KCNB2: variants seen among roughly 807,000 people sequenced by gnomAD.
KCNB2 encodes potassium voltage-gated channel subfamily B member 2.
A neutral mutation model predicts 61.5 loss-of-function variants in KCNB2; 15 were observed. The ratio of observed to expected loss-of-function variants is 0.24; its 90% CI spans 0.16 to 0.38. The LOEUF is 0.38. Among genes scored for constraint, KCNB2 ranks in the 10% least tolerant of loss-of-function variants. The pLI is 1.00. For missense variants in KCNB2, 828 were observed against 1,125.2 expected, an observed-to-expected ratio of 0.74 and a Z score of 3.78; for synonymous variants, 457 against 446.0, an observed-to-expected ratio of 1.02 and a Z score of -0.31.
At chr8:72,733,630 C>T (rs185489706) in intron 2 of KCNB2, among the ~76,000 whole-genome samples, 1 of 152,226 alleles carries the variant, frequency 6.6e-6, no homozygotes, top group East Asian at 1.9e-4. Context: ...CAGAATGGTA[C>T]CCGGCACCCT....
At chr8:72,646,025 A>G (rs1806124200) in intron 2 of KCNB2, among the ~76,000 whole-genome samples, 3 of 151,976 alleles carry the variant, frequency 2.0e-5, no homozygotes, top group African/African-American at 7.2e-5. Flanking sequence ...TTTCACCTTC[A>G]TTTTAAAACA....
At chr8:72,899,605 C>A (rs1232024247) in intron 2 of KCNB2, among the ~76,000 whole-genome samples, 1 of 152,080 alleles carries the variant, frequency 6.6e-6, no homozygotes, top group Non-Finnish European at 1.5e-5. Context: ...AGAGTCAAAT[C>A]AAGAACACAA....
At chr8:72,638,318 C>T (rs1417174434) in intron 2 of KCNB2, among the ~76,000 whole-genome samples, 1 of 152,072 alleles carries the variant, frequency 6.6e-6, no homozygotes, top group Non-Finnish European at 1.5e-5. Flanking sequence ...TCCCCTGTTC[C>T]TCTATGGAAA....
Position 72,741,023 on chromosome 8 carries a change from A to G in KCNB2, c.579+172710A>G, listed in dbSNP as rs114464635. On this transcript the variant is annotated intron_variant, in intron 2 of 2. Transcript: ENST00000523207. ...CCATTTTCAAACTGTGAACTGAAAT[A>G]CCGAAATACTGTTGATTACTAAAAT... 4.6e-3 allele frequency among the ~76,000 whole-genome samples: 708 copies of G among 152,312 alleles called. 6 individuals are homozygous for G. The highest frequency in any genetic ancestry group is 0.016 in the African/African-American group (676 of 41,574).
chr8:72,777,151 G>A (rs926936338), intron 2 of KCNB2, among the ~76,000 whole-genome samples: 5 of 152,096 alleles, frequency 3.3e-5, no homozygotes, highest in African/African-American at 1.2e-4. Flanking sequence ...TCTTTTTGTA[G>A]TGTACTGATA....
At chr8:72,794,564 CAAAAAA>C (rs397892520) in intron 2 of KCNB2, among the ~76,000 whole-genome samples, 2 of 56,964 alleles carry the variant, frequency 3.5e-5, no homozygotes, top group African/African-American at 1.4e-4. Context: ...GACTCCATCT[CAAAAAA>C]AAAAAAAAAA....
chr8:72,652,143 G>A (rs1374188260), intron 2 of KCNB2, among the ~76,000 whole-genome samples: 1 of 152,078 alleles, frequency 6.6e-6, no homozygotes, highest in East Asian at 1.9e-4. Context: ...GACAAATTTT[G>A]TAAAGGCATC....
At chr8:72,567,015 G>T (rs1296150262) in intron 1 of KCNB2, among the ~76,000 whole-genome samples, 2 of 151,994 alleles carry the variant, frequency 1.3e-5, no homozygotes, top group Non-Finnish European at 2.9e-5. Flanking sequence ...AGATGTCTGT[G>T]GTTTATCTAG....
At chr8:72,832,887 C>A (rs986686135) in intron 2 of KCNB2, among the ~76,000 whole-genome samples, 1 of 152,094 alleles carries the variant, frequency 6.6e-6, no homozygotes, top group African/African-American at 2.4e-5. Context: ...AGACAGAGAG[C>A]GAGATACTCT....
At chr8:72,625,672 C>G (rs1805777950) in intron 2 of KCNB2, among the ~76,000 whole-genome samples, 1 of 152,150 alleles carries the variant, frequency 6.6e-6, no homozygotes, top group Non-Finnish European at 1.5e-5. Flanking sequence ...CTCAAGTGAT[C>G]TTTCTGCCTC....
intron 2 of KCNB2, among the ~76,000 whole-genome samples, chr8:72,894,130 G>C (rs1437097529): frequency 3.9e-5 from 6 of 152,170 alleles, no homozygotes; most frequent in Non-Finnish European, 8.8e-5. Context: ...GGTCTCACTT[G>C]AGCATGTAAC....
intron 2 of KCNB2, among the ~76,000 whole-genome samples, chr8:72,659,977 T>A (rs1245472667): frequency 6.6e-6 from 1 of 152,192 alleles, no homozygotes; most frequent in Non-Finnish European, 1.5e-5. Context: ...CTCCAAGGTA[T>A]CCCTGTAAAA....
At chr8:72,872,352 T>C (rs1448185785) in intron 2 of KCNB2, among the ~76,000 whole-genome samples, 1 of 152,178 alleles carries the variant, frequency 6.6e-6, no homozygotes, top group African/African-American at 2.4e-5. Flanking sequence ...TCCCCAACAT[T>C]TCCCAGTCAG....
intron 2 of KCNB2, among the ~76,000 whole-genome samples, chr8:72,712,161 G>C (rs1363441525): frequency 6.6e-6 from 1 of 152,122 alleles, no homozygotes; most frequent in African/African-American, 2.4e-5. Context: ...ATTTTATCTT[G>C]TAGACTCATA....
At chr8:72,672,640 T>C (rs1357115169) in intron 2 of KCNB2, among the ~76,000 whole-genome samples, 2 of 152,134 alleles carry the variant, frequency 1.3e-5, no homozygotes, top group Non-Finnish European at 2.9e-5. Context: ...AGCTCTTTTT[T>C]TTTTAATATA....
intron 2 of KCNB2, among the ~76,000 whole-genome samples, chr8:72,898,815 G>A (rs965160947): frequency 2.6e-5 from 4 of 152,120 alleles, no homozygotes; most frequent in African/African-American, 9.7e-5. Flanking sequence ...GTACTCCACA[G>A]TGTCTGTTGT....
chr8:72,627,788 CA>C (rs2128984696), intron 2 of KCNB2, among the ~76,000 whole-genome samples: 2 of 152,338 alleles, frequency 1.3e-5, no homozygotes, highest in South Asian at 4.1e-4. Context: ...TTACTAACTG[CA>C]GCCTTTTGAC....
chr8:72,906,980 G>A (rs1742342164), intron 2 of KCNB2, among the ~76,000 whole-genome samples: 1 of 152,166 alleles, frequency 6.6e-6, no homozygotes, highest in African/African-American at 2.4e-5. Flanking sequence ...TTACTGATAA[G>A]TGTGTGTTTC....
intron 2 of KCNB2, among the ~76,000 whole-genome samples, chr8:72,749,998 T>A (rs1808160997): frequency 6.6e-6 from 1 of 151,706 alleles, no homozygotes. Context: ...AGAGGTCCAC[T>A]AGAGTGAATT....
Sources: allele counts gnomAD v4.1 joint callset (sites outside exome capture counted in the v4.1 genomes callset), GRCh38; gene constraint gnomAD v4.1.1; transcripts MANE v1.5; gene names NCBI Gene and HGNC (gene_info 2026-07-23, HGNC 2026-07-21).